The following PSMG2 variants were observed in gnomAD, a reference collection of about 807,000 sequenced individuals.
PSMG2 encodes the protein CD40 ligand-activated specific transcript 3.
PSMG2 carries 21 observed loss-of-function variants against 31.5 expected under a neutral mutation model. The ratio of observed to expected loss-of-function variants is 0.67; its 90% CI spans 0.47 to 0.96. The LOEUF is 0.96. Ranked by LOEUF, PSMG2 falls within the 40% of genes least tolerant of loss-of-function variation. The pLI, the probability that PSMG2 is intolerant of heterozygous loss-of-function variation, is 0.00. For synonymous variants in PSMG2, 120 were observed against 110.4 expected (o/e 1.09, Z -0.54); for missense variants, 318 against 321.2 (o/e 0.99, Z 0.08).
chr18:12,713,126 C>T (rs937362531), intron 3 of PSMG2, among the ~76,000 whole-genome samples: 1 of 152,176 alleles, frequency 6.6e-6, no homozygotes, highest in Non-Finnish European at 1.5e-5. Flanking sequence ...CTGAATCCGA[C>T]TTCTTTCCTC....
At chr18:12,670,525 G>A (rs1321131670) in intron 1 of PSMG2, 2 of 152,116 alleles carry the variant, frequency 1.3e-5, no homozygotes, top group East Asian at 1.9e-4. Flanking sequence ...CAGCCTCAAT[G>A]TTAATACAGC....
At chr18:12,682,763 A>G (rs576072491) in intron 1 of PSMG2, among the ~76,000 whole-genome samples, 23 of 152,030 alleles carry the variant, frequency 1.5e-4, no homozygotes, top group Admixed American at 8.5e-4. Flanking sequence ...CTAGGACTAC[A>G]GGCGTGCACC....
At chr18:12,706,749 C>G in intron 2 of PSMG2, 28 bp downstream of exon 2, 1 of 1,562,204 alleles carries the variant, frequency 6.4e-7, no homozygotes, top group Non-Finnish European at 8.7e-7. Context: ...TTGTATTTTT[C>G]CACTACAAAG....
At chr18:12,699,449 T>TG (rs2040075668), upstream of PSMG2, among the ~76,000 whole-genome samples, 1 of 152,200 alleles carries the variant, frequency 6.6e-6, no homozygotes, top group Admixed American at 6.5e-5. Flanking sequence ...GGAAAAGGCA[T>TG]CAGAGCCAAT....
chr18:12,686,205 C>A, intron 1 of PSMG2: 1 of 1,390,082 alleles, frequency 7.2e-7, no homozygotes, highest in Non-Finnish European at 9.9e-7. Context: ...AAATGGATTA[C>A]AAATTCAGAG....
intron 1 of PSMG2, among the ~76,000 whole-genome samples, chr18:12,672,150 T>C (rs2038964746): frequency 6.8e-6 from 1 of 147,708 alleles, no homozygotes; most frequent in Admixed American, 6.9e-5. Flanking sequence ...AGTCTCGCTC[T>C]GCCTCCCATG....
At chr18:12,696,231 C>T (rs1372626560) in intron 1 of PSMG2, among the ~76,000 whole-genome samples, 3 of 152,154 alleles carry the variant, frequency 2.0e-5, no homozygotes, top group Non-Finnish European at 2.9e-5. Flanking sequence ...ACTGGCTGGG[C>T]GCGGTGACTC....
At chr18:12,702,361 T>G, upstream of PSMG2, 1 of 717,662 alleles carries the variant, frequency 1.4e-6, no homozygotes, top group Non-Finnish European at 2.4e-6. Context: ...TACTCTGCGT[T>G]GCGCACCCCA....
intron 1 of PSMG2, among the ~76,000 whole-genome samples, chr18:12,694,495 G>T (rs1191735724): frequency 6.6e-6 from 1 of 152,134 alleles, no homozygotes; most frequent in African/African-American, 2.4e-5. Context: ...GACCCAGGAA[G>T]AAAGTAATTC....
At chr18:12,668,867 A>G (rs968985365) in intron 1 of PSMG2, among the ~76,000 whole-genome samples, 1 of 149,058 alleles carries the variant, frequency 6.7e-6, no homozygotes, top group Non-Finnish European at 1.5e-5. Context: ...CAGCCTCCCA[A>G]GTAGCTGGGA....
chr18:12,704,510 G>C (rs959697406), intron 1 of PSMG2, among the ~76,000 whole-genome samples: 18 of 152,074 alleles, frequency 1.2e-4, no homozygotes, highest in Non-Finnish European at 2.5e-4. Context: ...GATCACTTGA[G>C]CCCAGGAAGC....
chr18:12,718,513 A>G lies in PSMG2; in HGVS notation c.289-4A>G. 1.3e-6 allele frequency: 2 copies of G among 1,585,650 alleles called. No homozygotes were observed. Among genetic ancestry groups the G allele is most frequent in the Non-Finnish European group, 1.7e-6 (2 of 1,161,020 alleles). On this transcript the variant is annotated splice_polypyrimidine_tract_variant and splice_region_variant and intron_variant, in intron 3 of 6. Coordinates refer to ENST00000317615, the MANE Select transcript of PSMG2 (RefSeq NM_020232.5). ...TCTTTTTATTCTCTCAATGGTGTGC[A>G]AAGTATAAATCAAAGCCATTCTGTG...
chr18:12,706,223 C>T (rs2040267116), intron 1 of PSMG2, among the ~76,000 whole-genome samples: 1 of 152,214 alleles, frequency 6.6e-6, no homozygotes, highest in African/African-American at 2.4e-5. Context: ...AATCCCAGCA[C>T]TTTGGGAGGC....
Position 12,725,566 on chromosome 18 carries a change from C to T in PSMG2, c.*35C>T. ...TGTTTTATACCTTATACCCAAAACACTTACTACCAACACAGCTGTTAAACA... is the reference window on the plus strand; with the variant it reads ...TGTTTTATACCTTATACCCAAAACATTTACTACCAACACAGCTGTTAAACA... On this transcript the variant is annotated 3_prime_UTR_variant, in exon 7 of 7. Coordinates refer to ENST00000317615, the MANE Select transcript of PSMG2 (RefSeq NM_020232.5). The T allele has an allele frequency of 6.8e-7, 1 of 1,462,166 alleles. No individual in the cohort carries two copies. The highest frequency in any genetic ancestry group is 9.5e-7 in the Non-Finnish European group (1 of 1,051,124). The allele number at this position is 1,462,166 out of a possible 1,614,324, so 90.6% of individuals were successfully genotyped here.
chr18:12,667,664 G>A (rs2038829359), intron 1 of PSMG2, among the ~76,000 whole-genome samples: 2 of 151,390 alleles, frequency 1.3e-5, no homozygotes, highest in African/African-American at 4.9e-5. Context: ...GGGAGGCTGA[G>A]GCAGGAGAAT....
chr18:12,686,251 G>A (rs1427348040), intron 1 of PSMG2: 42 of 1,590,430 alleles, frequency 2.6e-5, no homozygotes, highest in Non-Finnish European at 3.6e-5. Context: ...TCTATTATGT[G>A]TGTATAATAC....
At chr18:12,663,832 C>T (rs899880758) in intron 1 of PSMG2, among the ~76,000 whole-genome samples, 1 of 151,972 alleles carries the variant, frequency 6.6e-6, no homozygotes, top group African/African-American at 2.4e-5. Flanking sequence ...TGCAGTGGTG[C>T]GATCATAGCT....
intron 1 of PSMG2, among the ~76,000 whole-genome samples, chr18:12,668,288 C>G (rs1217877960): frequency 1.3e-5 from 2 of 150,586 alleles, no homozygotes; most frequent in Admixed American, 1.3e-4. Flanking sequence ...CCCACCGCCA[C>G]TGGCCAAAAA....
At chr18:12,688,908 A>G (rs962605075) in intron 1 of PSMG2, among the ~76,000 whole-genome samples, 3 of 152,066 alleles carry the variant, frequency 2.0e-5, no homozygotes, top group Admixed American at 1.3e-4. Flanking sequence ...AGGTCAGGAG[A>G]TCGAGACCAT....
Sources: gnomAD v4.1 joint callset for allele counts (sites outside exome capture counted in the v4.1 genomes callset) on GRCh38, gnomAD v4.1.1 for gene constraint, MANE v1.5 for transcripts, NCBI Gene and HGNC (gene_info 2026-07-23, HGNC 2026-07-21) for gene names.